TNS1: variants seen among roughly 807,000 people sequenced by gnomAD.
The protein encoded by TNS1 is tensin-1.
A neutral mutation model predicts 168.6 loss-of-function variants in TNS1; 62 were observed. That is an observed-to-expected ratio of 0.37 (90% CI 0.30 to 0.45). The LOEUF (loss-of-function observed/expected upper bound fraction) is 0.45, where lower values mean the gene tolerates loss of function less well. TNS1 is among the 20% of genes least tolerant of loss of function. The probability of loss-of-function intolerance (pLI) is 1.00; values close to 1 mark genes in which losing one functional copy is unlikely to be tolerated. For synonymous variants in TNS1, 934 were observed against 933.2 expected (o/e 1.00, Z -0.02); for missense variants, 2,240 against 2,339.4 (o/e 0.96, Z 0.88).
intron 19 of TNS1, chr2:217,842,291 A>T (rs1946074963): frequency 1.8e-6 from 1 of 547,008 alleles, no homozygotes; most frequent in African/African-American, 1.9e-5. Context: ...TTATCCAACC[A>T]CTGCAGATGT....
intron 30 of TNS1, 102 bp downstream of exon 30, chr2:217,809,721 G>T: frequency 1.6e-6 from 2 of 1,226,206 alleles, no homozygotes; most frequent in Non-Finnish European, 2.3e-6. Context: ...ATGAGCAGTT[G>T]GGTGCAAGGA....
intron 19 of TNS1, 64 bp from the exon 20 acceptor site, chr2:217,836,275 T>C: frequency 6.7e-7 from 1 of 1,496,242 alleles, no homozygotes; most frequent in Non-Finnish European, 9.0e-7. Context: ...TCAATCGGCC[T>C]AATCCCATCA....
exon 1 of TNS1, chr2:218,010,230 G>T (rs1184645907): frequency 2.5e-5 from 10 of 398,780 alleles, no homozygotes; most frequent in Non-Finnish European, 4.0e-5. Context: ...GGGCGCGAGG[G>T]TCGGAAGAGG....
intron 3 of TNS1, among the ~76,000 whole-genome samples, chr2:217,967,410 C>T (rs1957675758): frequency 6.6e-6 from 1 of 152,016 alleles, no homozygotes; most frequent in Non-Finnish European, 1.5e-5. Context: ...AAAAGATCAA[C>T]AAAATTGGCA....
At chr2:217,809,265 A>G (rs1303287681) in intron 30 of TNS1, among the ~76,000 whole-genome samples, 129 of 68,342 alleles carry the variant, frequency 1.9e-3, no homozygotes, top group Non-Finnish European at 2.4e-3. Context: ...GGATGGATGG[A>G]TGGATGGATG....
chr2:218,009,963 T>C (rs1305159775), intron 1 of TNS1: 1 of 380,992 alleles, frequency 2.6e-6, no homozygotes, highest in East Asian at 3.7e-5. Flanking sequence ...AGGCTGACGA[T>C]GGCCGAGACG....
In TNS1 at chr2:218,000,677, G is replaced by A. The variant is rs941537493; in HGVS notation, c.33+2163C>T. On this transcript the variant is annotated intron_variant, in intron 1 of 32. Transcript: ENST00000682258. ...TTTACCAAGCCTGCCCATACCAAAC[G>A]ATGGAAATAGGGTTTGAGCCTAGTC... Among the ~76,000 whole-genome samples, 8 of 152,182 alleles carry A rather than the reference G, an allele frequency of 5.3e-5. No individual in the cohort carries two copies. In the East Asian group the frequency reaches 7.7e-4, roughly 15 times the overall value.
chr2:217,935,463 T>G (rs1242991447), intron 3 of TNS1, among the ~76,000 whole-genome samples: 1 of 151,862 alleles, frequency 6.6e-6, no homozygotes, highest in Non-Finnish European at 1.5e-5. Context: ...CTGGCTCGCC[T>G]CTGCTCTCCC....
chr2:217,845,986 G>A (rs1253911183), intron 19 of TNS1, among the ~76,000 whole-genome samples: 1 of 152,122 alleles, frequency 6.6e-6, no homozygotes, highest in Admixed American at 6.5e-5. Flanking sequence ...AATTCAGAAA[G>A]CCCCATCCCT....
chr2:217,815,183 T>C (rs1402267487), intron 24 of TNS1, 185 bp from the exon 25 acceptor site: 1 of 595,162 alleles, frequency 1.7e-6, no homozygotes, highest in African/African-American at 1.8e-5. Flanking sequence ...TATGCCTGTA[T>C]GCCTGGTGTC....
Position 217,860,697 on chromosome 2 carries a change from C to T in TNS1, c.1430-11610G>A, listed in dbSNP as rs140986932. Among the ~76,000 whole-genome samples, 130 of 152,344 alleles carry T rather than the reference C, an allele frequency of 8.5e-4. 1 individual carries two copies. The highest frequency in any genetic ancestry group is 2.9e-3 in the African/African-American group (121 of 41,578). The stretch of plus-strand genomic sequence containing the variant: ...AGTTATAAAAATAAACTTCATTTAA[C>T]TTAAACTAGTTCTAAGCACAATATC... On this transcript the variant is annotated intron_variant, in intron 18 of 32. Coordinates refer to ENST00000682258, the MANE Select transcript of TNS1 (RefSeq NM_001387777.1).
intron 10 of TNS1, 115 bp from the exon 11 acceptor site, chr2:217,893,127 T>C: frequency 7.5e-7 from 1 of 1,329,440 alleles, no homozygotes; most frequent in Non-Finnish European, 1.0e-6. Flanking sequence ...GGTGTGGATT[T>C]AAGGGAGAAC....
chr2:217,912,454 C>T (rs3838560), intron 4 of TNS1, among the ~76,000 whole-genome samples: 1 of 59,882 alleles, frequency 1.7e-5, no homozygotes, highest in African/African-American at 1.1e-4. Context: ...GGCTTGGGGG[C>T]CAAAAAGACC....
Position 217,836,172 on chromosome 2 carries a change from G to A in TNS1, c.3047C>T (p.Ala1016Val), listed in dbSNP as rs775275964. Residue 1016 changes from alanine to valine, a missense_variant, in exon 20 of 33, where the codon GCC becomes GTC. By Grantham distance (64) the Ala-to-Val change is moderately conservative (BLOSUM62 0). Coordinates refer to ENST00000682258, the MANE Select transcript of TNS1 (RefSeq NM_001387777.1). ...ACTGGCCGCCCGCCTCCGCAGAGGG[G>A]CTGGGGGCTCTGCAGGCTGCTTCTC... ...AREKQPAEPP[A>V]PLRRRAASDG... The A allele has an allele frequency of 6.2e-7, 1 of 1,613,404 alleles. No individual in the cohort carries two copies. Among genetic ancestry groups the A allele is most frequent in the Non-Finnish European group, 8.5e-7 (1 of 1,179,698 alleles).
In TNS1 at chr2:217,848,611, G is replaced by A. The variant is rs374052155; in HGVS notation, c.1906C>T (p.His636Tyr). ...AGTGTGCCCATGCTGCCCGCACTGTGACCATCCTGGTTTGGCAATTCATCG... is the reference window on the plus strand; with the variant it reads ...AGTGTGCCCATGCTGCCCGCACTGTAACCATCCTGGTTTGGCAATTCATCG... Reference protein sequence around the residue: ...LDDELPNQDGHSAGSMGTLSS... With the variant: ...LDDELPNQDGYSAGSMGTLSS... The change falls in exon 19 of 33, where the codon CAC becomes TAC. Residue 636 changes from histidine (H) to tyrosine (Y), a missense_variant. Around this residue, in one of 2 missense-constraint regions of TNS1, gnomAD observed 2,131 missense variants for 2,171.2 expected, o/e 0.98. Coordinates refer to ENST00000682258, the MANE Select transcript of TNS1 (RefSeq NM_001387777.1). The A allele has an allele frequency of 7.7e-5, 124 of 1,614,096 alleles. No homozygotes were observed. Among genetic ancestry groups the A allele is most frequent in the Non-Finnish European group, 9.9e-5 (117 of 1,180,028 alleles).
chr2:217,826,702 C>T (rs892407949), intron 22 of TNS1, among the ~76,000 whole-genome samples: 5 of 152,178 alleles, frequency 3.3e-5, no homozygotes, highest in Non-Finnish European at 7.3e-5. Flanking sequence ...GGAGCAGCTG[C>T]ATCAGAGGCT....
At chr2:217,963,483 A>G (rs1282241332) in intron 3 of TNS1, among the ~76,000 whole-genome samples, 1 of 152,182 alleles carries the variant, frequency 6.6e-6, no homozygotes, top group East Asian at 1.9e-4. Context: ...TCATGACCCC[A>G]GCTTATGGAC....
intron 3 of TNS1, among the ~76,000 whole-genome samples, chr2:217,957,461 CA>C (rs1452223016): frequency 6.6e-6 from 1 of 152,124 alleles, no homozygotes; most frequent in South Asian, 2.1e-4. Flanking sequence ...CTGATTTCAC[CA>C]GGTAAAAACC....
At chr2:217,871,347 C>A (rs1304351293) in intron 18 of TNS1, among the ~76,000 whole-genome samples, 1 of 152,200 alleles carries the variant, frequency 6.6e-6, no homozygotes, top group Non-Finnish European at 1.5e-5. Flanking sequence ...AAGGGCTATC[C>A]CCTCTGGAGG....
Sources: allele counts gnomAD v4.1 joint callset (sites outside exome capture counted in the v4.1 genomes callset), GRCh38; gene constraint gnomAD v4.1.1; regional missense constraint gnomAD v4.1.1; transcripts MANE v1.5; gene names NCBI Gene and HGNC (gene_info 2026-07-23, HGNC 2026-07-21).